ENTHD1: variants seen among roughly 807,000 people sequenced by gnomAD.
The protein encoded by ENTHD1 is ENTH domain containing 1, also known as ENTH domain-containing protein 1.
ENTHD1 carries 23 observed loss-of-function variants against 39.1 expected under a neutral mutation model. The observed-to-expected ratio is 0.59, with a 90% CI of 0.42 to 0.83. ENTHD1 has a LOEUF of 0.83. Among genes scored for constraint, ENTHD1 ranks in the 40% least tolerant of loss-of-function variants. The probability of loss-of-function intolerance (pLI) is 0.00; values close to 1 mark genes in which losing one functional copy is unlikely to be tolerated. For synonymous variants in ENTHD1, 230 were observed against 258.2 expected (o/e 0.89, Z 1.05); for missense variants, 624 against 705.4 (o/e 0.88, Z 1.31).
rs1194879162 is a variant in ENTHD1 at position 39,867,523 on chromosome 22, A to G, written c.350-5516T>C. Among the ~76,000 whole-genome samples, 1 of 152,178 alleles carries G rather than the reference A, an allele frequency of 6.6e-6. No homozygotes were observed. Among genetic ancestry groups the G allele is most frequent in the Non-Finnish European group, 1.5e-5 (1 of 68,016 alleles). ...CGTCTATTGACTATACCCACTAATT[A>G]TCTTCCAAATCCATTCTCTCCTCTT... On this transcript the variant is annotated intron_variant, in intron 2 of 6. Coordinates refer to ENST00000325157, the MANE Select transcript of ENTHD1 (RefSeq NM_152512.4). This position sits in a 1 kb window ranked among gnomAD's most constrained non-coding sequence, Gnocchi z 4.5.
intron 3 of ENTHD1, among the ~76,000 whole-genome samples, chr22:39,848,625 T>A (rs528563392): frequency 6.6e-6 from 1 of 152,090 alleles, no homozygotes; most frequent in African/African-American, 2.4e-5. Flanking sequence ...CCTTAGAATA[T>A]AACAATCATG....
rs1262576124 is a variant in ENTHD1 at position 39,744,219 on chromosome 22, G to C, written c.1284C>G (p.Ala428=). The stretch of plus-strand genomic sequence containing the variant: ...AGAGATGAGCTGACTTCTCTGGAGA[G>C]GCTAAATCAGGAGATGACATGGATA... The part of the protein sequence containing the change: ...SPLSMSSPDL[A]SPEKSAHLLS... Residue 428 remains alanine, a synonymous_variant, in exon 7 of 7, where the codon GCC becomes GCG. Coordinates refer to ENST00000325157, the MANE Select transcript of ENTHD1 (RefSeq NM_152512.4). The C allele has an allele frequency of 1.2e-6, 2 of 1,613,834 alleles. No homozygotes were observed. Among genetic ancestry groups the C allele is most frequent in the South Asian group, 2.2e-5 (2 of 90,978 alleles).
chr22:39,771,527 C>T (rs2065324629), intron 5 of ENTHD1, among the ~76,000 whole-genome samples: 1 of 152,066 alleles, frequency 6.6e-6, no homozygotes, highest in South Asian at 2.1e-4. Context: ...AAAACCATAC[C>T]TGTTATCATC....
chr22:39,786,146 C>T (rs1381837277), intron 5 of ENTHD1, among the ~76,000 whole-genome samples: 1 of 152,086 alleles, frequency 6.6e-6, no homozygotes. Context: ...AGAAAAAACC[C>T]ACTCAAGTCC....
chr22:39,880,955 G>A (rs566342883), intron 2 of ENTHD1, among the ~76,000 whole-genome samples: 3 of 152,306 alleles, frequency 2.0e-5, no homozygotes, highest in African/African-American at 7.2e-5. Context: ...CTAGCTGTGT[G>A]GAGAGTTATT....
chr22:39,825,989 C>A (rs914162473), intron 4 of ENTHD1, among the ~76,000 whole-genome samples: 1 of 152,178 alleles, frequency 6.6e-6, no homozygotes, highest in African/African-American at 2.4e-5. Context: ...GATTCTCATG[C>A]CTCAGCCTCT....
intron 1 of ENTHD1, among the ~76,000 whole-genome samples, chr22:39,890,721 CAT>C (rs1214476613): frequency 2.0e-5 from 3 of 152,116 alleles, no homozygotes; most frequent in African/African-American, 7.2e-5. Context: ...AATGAATTTA[CAT>C]GACACCATAT....
chr22:39,769,322 C>A (rs908424815), intron 5 of ENTHD1, among the ~76,000 whole-genome samples: 1 of 151,878 alleles, frequency 6.6e-6, no homozygotes, highest in Non-Finnish European at 1.5e-5. Context: ...GAAGCACAAA[C>A]GAGGGACCGG....
intron 1 of ENTHD1, chr22:39,893,472 G>A (rs1263498616): frequency 7.2e-5 from 11 of 152,336 alleles, no homozygotes; most frequent in Admixed American, 7.2e-4. Flanking sequence ...CGGCAGTGGA[G>A]GGGAAGGCTG....
chr22:39,848,544 G>A (rs990637197), intron 3 of ENTHD1, among the ~76,000 whole-genome samples: 3 of 152,140 alleles, frequency 2.0e-5, no homozygotes, highest in Admixed American at 6.5e-5. Context: ...GAGCCACAGC[G>A]CCCGGCCAAC....
Position 39,802,948 on chromosome 22 carries a change from C to T in ENTHD1, c.832+18045G>A, listed in dbSNP as rs562273111. Among the ~76,000 whole-genome samples the T allele has an allele frequency of 9.8e-5, 15 of 152,310 alleles. No homozygotes were observed. In the South Asian group the frequency reaches 2.5e-3, roughly 25 times the overall value. ...CTTCCATTGCCAGTGCCTTTGTCCT[C>T]GGTCACGGTCACTTGGATAGTCAAT... On this transcript the variant is annotated intron_variant, in intron 5 of 6. Coordinates refer to ENST00000325157, the MANE Select transcript of ENTHD1 (RefSeq NM_152512.4).
intron 4 of ENTHD1, among the ~76,000 whole-genome samples, chr22:39,825,204 T>C (rs1022802877): frequency 1.3e-5 from 2 of 152,242 alleles, no homozygotes; most frequent in Non-Finnish European, 2.9e-5. Context: ...TACTTCAGTA[T>C]TTTAATGCCT....
chr22:39,743,563 A>G lies in ENTHD1; in HGVS notation c.*116T>C. ...AAGATACTTGCTAATAAACCTGACA[A>G]GGAAAAATTAAACCATCCCCTTTTT... On this transcript the variant is annotated 3_prime_UTR_variant, in exon 7 of 7. Coordinates refer to ENST00000325157, the MANE Select transcript of ENTHD1 (RefSeq NM_152512.4). 1 of 1,249,094 alleles carries G rather than the reference A, an allele frequency of 8.0e-7. No individual in the cohort carries two copies. Among genetic ancestry groups the G allele is most frequent in the Non-Finnish European group, 1.1e-6 (1 of 936,710 alleles). 77.4% of individuals were successfully genotyped at this position (1,249,094 alleles called of 1,614,324 possible). A position where few individuals can be genotyped will look rare whatever the true frequency, so the allele number is the denominator to read the frequency against.
chr22:39,852,521 G>A (rs1252102804), intron 3 of ENTHD1, among the ~76,000 whole-genome samples: 1 of 152,214 alleles, frequency 6.6e-6, no homozygotes, highest in Non-Finnish European at 1.5e-5. Context: ...GAAATGCATT[G>A]CTAGGCAATT....
At position 39,869,098 on chromosome 22, in the gene ENTHD1, G is replaced by A. The variant is rs117516771; in HGVS notation, c.350-7091C>T. Among the ~76,000 whole-genome samples the A allele has an allele frequency of 5.4e-3, 825 of 152,300 alleles. 8 individuals are homozygous for A. The highest frequency in any genetic ancestry group is 7.1e-3 in the Non-Finnish European group (482 of 68,026). On this transcript the variant is annotated intron_variant, in intron 2 of 6. Coordinates refer to ENST00000325157, the MANE Select transcript of ENTHD1 (RefSeq NM_152512.4). ...ATAACTGAGAACTGGATTCAACCCAGCAATCCCATTACTAGGTATATATCC... is the reference window on the plus strand; with the variant it reads ...ATAACTGAGAACTGGATTCAACCCAACAATCCCATTACTAGGTATATATCC...
intron 5 of ENTHD1, among the ~76,000 whole-genome samples, chr22:39,810,094 T>G (rs2065673708): frequency 6.6e-6 from 1 of 152,126 alleles, no homozygotes; most frequent in South Asian, 2.1e-4. Context: ...GAGCAAGAAC[T>G]TCTTGAGGGG....
At chr22:39,770,135 TGA>T (rs1875227323) in intron 5 of ENTHD1, among the ~76,000 whole-genome samples, 2 of 152,228 alleles carry the variant, frequency 1.3e-5, no homozygotes, top group Non-Finnish European at 1.5e-5. Flanking sequence ...TGGCAGCTAC[TGA>T]GCTGCTGTGT....
intron 4 of ENTHD1, among the ~76,000 whole-genome samples, chr22:39,821,749 T>G (rs1441339090): frequency 6.6e-6 from 1 of 152,218 alleles, no homozygotes; most frequent in Non-Finnish European, 1.5e-5. Flanking sequence ...CCTTACAGTT[T>G]GGGAGGTTAG....
At chr22:39,890,146 AT>A (rs2066415566) in intron 1 of ENTHD1, among the ~76,000 whole-genome samples, 1 of 146,024 alleles carries the variant, frequency 6.8e-6, no homozygotes, top group Admixed American at 6.8e-5. Flanking sequence ...AAATAAATAA[AT>A]AAAAAAGAAA....
Sources: gnomAD v4.1 joint callset for allele counts (sites outside exome capture counted in the v4.1 genomes callset) on GRCh38, gnomAD v4.1.1 for gene constraint, Gnocchi (gnomAD v3.1) non-coding constraint, MANE v1.5 for transcripts, NCBI Gene and HGNC (gene_info 2026-07-23, HGNC 2026-07-21) for gene names.